PCDHA7: variants seen among roughly 807,000 people sequenced by gnomAD.
PCDHA7 encodes the protein protocadherin alpha 7, also known as protocadherin alpha-7.
In PCDHA7, 37 loss-of-function variants were observed where a neutral mutation model predicts 57.2. The ratio of observed to expected loss-of-function variants is 0.65; its 90% confidence interval spans 0.50 to 0.85. The LOEUF (loss-of-function observed/expected upper bound fraction) is 0.85. Ranked by LOEUF, PCDHA7 falls within the 40% of genes least tolerant of loss-of-function variation. PCDHA7 has a pLI of 0.00. For missense variants in PCDHA7, 1,188 were observed against 1,241.8 expected, an observed-to-expected ratio of 0.96 and a Z score of 0.65; for synonymous variants, 553 against 558.8, an observed-to-expected ratio of 0.99 and a Z score of 0.15.
At chr5:141,000,419 ATATTTTTTT>A (rs2097927194) in intron 3 of PCDHA7, among the ~76,000 whole-genome samples, 6 of 60,996 alleles carry the variant, frequency 9.8e-5, no homozygotes, top group Non-Finnish European at 1.1e-4. Flanking sequence ...ATATATATAT[ATATTTTTTT>A]TTTTTTTTTT....
intron 3 of PCDHA7, 116 bp downstream of exon 3, chr5:140,982,679 C>T: frequency 7.0e-7 from 1 of 1,436,546 alleles, no homozygotes; most frequent in Non-Finnish European, 9.2e-7. Flanking sequence ...TTGTTATTCC[C>T]TTTTTTCCAT....
rs191365735 is a variant in PCDHA7 at position 140,910,066 on chromosome 5, C to T, written c.2356-68883C>T. Among the ~76,000 whole-genome samples the T allele has an allele frequency of 7.2e-5, 11 of 152,234 alleles. No individual in the cohort carries two copies. In the East Asian group the frequency reaches 1.5e-3, roughly 21 times the overall value. On this transcript the variant is annotated intron_variant, in intron 1 of 3. Coordinates refer to ENST00000525929, the MANE Select transcript of PCDHA7 (RefSeq NM_018910.3). ...GTCATAATAAGTGATCTTTTAACAG[C>T]GTAAATTGTTGTCAAGGGGAACCAG...
intron 1 of PCDHA7, among the ~76,000 whole-genome samples, chr5:140,915,224 G>C (rs2077030896): frequency 6.6e-6 from 1 of 152,144 alleles, no homozygotes; most frequent in African/African-American, 2.4e-5. Context: ...TGGGATTACA[G>C]GCATGAGCCA....
chr5:140,862,358 ACG>A (rs1554156250), intron 1 of PCDHA7: 1 of 337,982 alleles, frequency 3.0e-6, no homozygotes, highest in Non-Finnish European at 5.8e-6. Context: ...CAAGGGACAG[ACG>A]ACCCGCACCC....
intron 1 of PCDHA7, among the ~76,000 whole-genome samples, chr5:140,937,273 G>A (rs1165421382): frequency 1.3e-5 from 2 of 151,966 alleles, no homozygotes; most frequent in African/African-American, 2.4e-5. Context: ...TCCTGACCTC[G>A]TGATTCACCC....
At chr5:140,966,264 G>C (rs959228779) in intron 1 of PCDHA7, 3 of 347,414 alleles carry the variant, frequency 8.6e-6, no homozygotes, top group Non-Finnish European at 1.5e-5. Flanking sequence ...GTGGAGACTG[G>C]ATGAACTGGA....
At chr5:140,851,516 TA>T in intron 1 of PCDHA7, 1 of 906,320 alleles carries the variant, frequency 1.1e-6, no homozygotes, top group Non-Finnish European at 1.3e-6. Flanking sequence ...AAATATGTTT[TA>T]AAATGCCTGA....
chr5:140,903,434 A>T (rs1372993909), intron 1 of PCDHA7, among the ~76,000 whole-genome samples: 1 of 152,226 alleles, frequency 6.6e-6, no homozygotes, highest in Non-Finnish European at 1.5e-5. Context: ...AATATGTATC[A>T]GTGGAATTCA....
chr5:140,874,132 A>T (rs181983769), intron 1 of PCDHA7, among the ~76,000 whole-genome samples: 8 of 152,358 alleles, frequency 5.3e-5, no homozygotes, highest in Non-Finnish European at 1.2e-4. Flanking sequence ...TATTTAAGTT[A>T]TCTTATACTT....
intron 1 of PCDHA7, among the ~76,000 whole-genome samples, chr5:140,913,922 A>G (rs2076507888): frequency 6.6e-6 from 1 of 151,936 alleles, no homozygotes; most frequent in South Asian, 2.1e-4. Context: ...ATTTTACTTC[A>G]TTGTGGTCAG....
intron 1 of PCDHA7, chr5:140,927,810 G>C: frequency 6.2e-7 from 1 of 1,614,200 alleles, no homozygotes. Flanking sequence ...AAACGCTCTT[G>C]GAGGCATACA....
chr5:140,869,210 C>T (rs781978731), intron 1 of PCDHA7: 2 of 1,613,814 alleles, frequency 1.2e-6, no homozygotes, highest in African/African-American at 2.7e-5. Context: ...TACTCCGTCT[C>T]GGAGGAGGCC....
At chr5:140,841,877 A>G (rs2150324611) in intron 1 of PCDHA7, 1 of 1,613,820 alleles carries the variant, frequency 6.2e-7, no homozygotes. Flanking sequence ...GAATTCAAAG[A>G]ACGATGAGAA....
rs2150440873 is a variant in PCDHA7, at chr5:140,849,570, G to C, written c.2355+12832G>C. The C allele has an allele frequency of 3.3e-4, 531 of 1,598,560 alleles. 47 individuals carry two copies. Among genetic ancestry groups the C allele is most frequent in the Non-Finnish European group, 4.4e-4 (516 of 1,167,980 alleles). On this transcript the variant is annotated intron_variant, in intron 1 of 3. Coordinates refer to ENST00000525929, the MANE Select transcript of PCDHA7 (RefSeq NM_018910.3). ...GACTATCAAAACGCTCTCGGTTCCTGTAAAAGAGGACGCACAACTGGGGAC... is the reference window on the plus strand; with the variant it reads ...GACTATCAAAACGCTCTCGGTTCCTCTAAAAGAGGACGCACAACTGGGGAC...
At chr5:140,977,588 A>G (rs1237547807) in intron 1 of PCDHA7, among the ~76,000 whole-genome samples, 1 of 152,182 alleles carries the variant, frequency 6.6e-6, no homozygotes, top group Non-Finnish European at 1.5e-5. Context: ...GAGAGCAGTT[A>G]GCATGTGAGG....
intron 1 of PCDHA7, among the ~76,000 whole-genome samples, chr5:140,885,102 G>A (rs2060467065): frequency 6.6e-6 from 1 of 151,970 alleles, no homozygotes; most frequent in Non-Finnish European, 1.5e-5. Flanking sequence ...TCACATAAAT[G>A]CTTTTTTTAA....
chr5:140,893,249 T>A (rs1317089236), intron 1 of PCDHA7, among the ~76,000 whole-genome samples: 2 of 152,220 alleles, frequency 1.3e-5, no homozygotes, highest in African/African-American at 4.8e-5. Context: ...TTTCCTTTTC[T>A]TTGGATAAAT....
At chr5:140,920,239 A>G (rs1584173491) in intron 1 of PCDHA7, among the ~76,000 whole-genome samples, 1 of 152,356 alleles carries the variant, frequency 6.6e-6, no homozygotes, top group Middle Eastern at 3.4e-3. Context: ...TATATACCCA[A>G]CAATACATCG....
At chr5:140,965,030 C>A (rs2095870201) in intron 1 of PCDHA7, among the ~76,000 whole-genome samples, 1 of 152,166 alleles carries the variant, frequency 6.6e-6, no homozygotes, top group East Asian at 1.9e-4. Flanking sequence ...GCTCCTTTAA[C>A]TGTCCGCTCT....
Sources: gnomAD v4.1 joint callset for allele counts (sites outside exome capture counted in the v4.1 genomes callset) on GRCh38, gnomAD v4.1.1 for gene constraint, MANE v1.5 for transcripts, NCBI Gene and HGNC (gene_info 2026-07-23, HGNC 2026-07-21) for gene names.